The following CHD5 variants were observed in gnomAD, a reference collection of about 807,000 sequenced individuals.
CHD5 encodes the protein chromodomain helicase DNA binding protein 5.
A neutral mutation model predicts 230.3 loss-of-function variants in CHD5; 69 were observed. That is an observed-to-expected ratio of 0.30 (90% CI 0.25 to 0.37). The LOEUF (loss-of-function observed/expected upper bound fraction) is 0.37, where lower values mean the gene tolerates loss of function less well. CHD5 is among the 10% of genes least tolerant of loss of function. The pLI, the probability that CHD5 is intolerant of heterozygous loss-of-function variation, is 1.00. For synonymous variants in CHD5, 1,064 were observed against 1,065.9 expected (o/e 1.00, Z 0.03); for missense variants, 1,827 against 2,622.8 (o/e 0.70, Z 6.63).
rs1002837491 is a variant in CHD5, at chr1:6,150,887, G to C, written c.994+145C>G. ...GGGCCCCACCTGGCTGAGACATGAG[G>C]ATGCCCTCCCCCTGCTTCCCACGGG... is the stretch of plus-strand genomic sequence containing the variant. On this transcript the variant is annotated intron_variant, in intron 7 of 41. Coordinates refer to ENST00000262450, the MANE Select transcript of CHD5 (RefSeq NM_015557.3). 9 of 1,068,808 alleles carry C rather than the reference G, an allele frequency of 8.4e-6. No individual in the cohort carries two copies. The African/African-American group carries it at 1.5e-4, about 17-fold the overall frequency. 66.2% of individuals were successfully genotyped at this position (1,068,808 alleles called of 1,614,324 possible). A position where few individuals can be genotyped will look rare whatever the true frequency, so the allele number is the denominator to read the frequency against.
intron 34 of CHD5, 148 bp downstream of exon 34, chr1:6,112,761 G>A (rs1666313848): frequency 4.9e-6 from 3 of 614,008 alleles, no homozygotes; most frequent in African/African-American, 3.7e-5. Context: ...GTGAGGGGCT[G>A]GTGAATCCAG....
Position 6,134,010 on chromosome 1 carries a change from C to G in CHD5, c.3144+118G>C, listed in dbSNP as rs886567953. On this transcript the variant is annotated intron_variant, in intron 20 of 41. Coordinates refer to ENST00000262450, the MANE Select transcript of CHD5 (RefSeq NM_015557.3). The surrounding 1 kb of genome is among the most constrained non-coding windows in gnomAD (Gnocchi z 6.3). ...ACCCCTGACACACAGTCACATGACCCACATGGGAACGGCACTGGGCCCTGA... is the reference window on the plus strand; with the variant it reads ...ACCCCTGACACACAGTCACATGACCGACATGGGAACGGCACTGGGCCCTGA... 9 of 975,656 alleles carry G rather than the reference C, an allele frequency of 9.2e-6. No individual in the cohort carries two copies. The African/African-American group carries it at 1.3e-4, about 14-fold the overall frequency. The allele number at this position is 975,656 out of a possible 1,614,324, so 60.4% of individuals were successfully genotyped here. A position where few individuals can be genotyped will look rare whatever the true frequency, so the allele number is the denominator to read the frequency against.
chr1:6,172,938 G>A (rs939411916), intron 1 of CHD5, among the ~76,000 whole-genome samples: 1 of 152,072 alleles, frequency 6.6e-6, no homozygotes, highest in African/African-American at 2.4e-5. Context: ...TGACTGTGGA[G>A]CGAAAGTTAG....
rs888758341 is a variant in CHD5, at chr1:6,142,657, T to G, written c.2044-52A>C. 1 of 1,561,688 alleles carries G rather than the reference T, an allele frequency of 6.4e-7. No individual in the cohort carries two copies. Among genetic ancestry groups the G allele is most frequent in the African/African-American group, 1.3e-5 (1 of 74,076 alleles). On this transcript the variant is annotated intron_variant, in intron 13 of 41. Transcript: ENST00000262450. This position sits in a 1 kb window ranked among gnomAD's most constrained non-coding sequence, Gnocchi z 5.2. ...CGCCCCAGATCCTGGGCCACCAGAG[T>G]CCACACTACAGGCCTTTGCACATGC...
chr1:6,113,978 G>A lies in CHD5; in HGVS notation c.4913-980C>T, dbSNP rs890871861. ...AAAAACCACAATCCAGGCCGGGCGC[G>A]GTGGCTCACGCCTGTAATCCTAGCA... On this transcript the variant is annotated intron_variant, in intron 33 of 41. Coordinates refer to ENST00000262450, the MANE Select transcript of CHD5 (RefSeq NM_015557.3). 9.2e-5 allele frequency among the ~76,000 whole-genome samples: 14 copies of A among 152,284 alleles called. No individual in the cohort carries two copies. The East Asian group carries it at 9.7e-4, about 11-fold the overall frequency.
chr1:6,179,559 G>A (rs1667481009), intron 1 of CHD5, among the ~76,000 whole-genome samples: 1 of 151,438 alleles, frequency 6.6e-6, no homozygotes, highest in African/African-American at 2.4e-5. Context: ...CACGGCGGCG[G>A]GACGCGAGCG....
chr1:6,124,867 T>G (rs953152766), intron 29 of CHD5, among the ~76,000 whole-genome samples: 1 of 152,218 alleles, frequency 6.6e-6, no homozygotes, highest in African/African-American at 2.4e-5. Context: ...GACCGGGATC[T>G]TCCTCGCTGC....
rs929848358 is a variant in CHD5, at chr1:6,168,032, A to G, written c.207+118T>C. The stretch of plus-strand genomic sequence containing the variant: ...GGTTATGGTGTTTTTCATCAAACTC[A>G]GCTCTCAGAAACCCTCAAACTCCAA... On this transcript the variant is annotated intron_variant, in intron 2 of 41. Transcript: ENST00000262450. 58 of 1,238,538 alleles carry G rather than the reference A, an allele frequency of 4.7e-5. No homozygotes were observed. In the African/African-American group the frequency reaches 7.7e-4, roughly 16 times the overall value. 76.7% of individuals were successfully genotyped at this position (1,238,538 alleles called of 1,614,324 possible). A position where few individuals can be genotyped will look rare whatever the true frequency, so the allele number is the denominator to read the frequency against.
intron 6 of CHD5, among the ~76,000 whole-genome samples, 185 bp from the exon 7 acceptor site, chr1:6,151,340 C>T (rs1259131526): frequency 1.3e-5 from 2 of 152,174 alleles, no homozygotes; most frequent in Non-Finnish European, 2.9e-5. Flanking sequence ...GCCTGATGTC[C>T]CACCGCCTAC....
intron 1 of CHD5, among the ~76,000 whole-genome samples, chr1:6,168,749 T>A (rs1667291443): frequency 6.6e-6 from 1 of 152,132 alleles, no homozygotes; most frequent in Non-Finnish European, 1.5e-5. Flanking sequence ...CCAGGCACAG[T>A]GGCTCACGCC....
Position 6,149,258 on chromosome 1 carries a change from G to A in CHD5, c.1149C>T (p.Ser383=), listed in dbSNP as rs1188424726. The A allele has an allele frequency of 2.5e-6, 4 of 1,606,734 alleles. No homozygotes were observed. Among genetic ancestry groups the A allele is most frequent in the Non-Finnish European group, 3.4e-6 (4 of 1,176,046 alleles). Residue 383 remains serine, a synonymous_variant, in exon 8 of 42, where the codon AGC becomes AGT. Transcript: ENST00000262450. ...ELEKAPEGKW[S]CPHCEKEGIQ... is the part of the protein sequence containing the mutation. ...TGCCAAGGCTTACACAGTGGGGGCAGCTCCACTTGCCCTCGGGAGCCTTCT... is the reference window on the plus strand; with the variant it reads ...TGCCAAGGCTTACACAGTGGGGGCAACTCCACTTGCCCTCGGGAGCCTTCT...
At chr1:6,168,624 A>G (rs1043821923) in intron 1 of CHD5, among the ~76,000 whole-genome samples, 1 of 152,228 alleles carries the variant, frequency 6.6e-6, no homozygotes, top group African/African-American at 2.4e-5. Context: ...GAGCATCTCT[A>G]CCAGGAAGGA....
chr1:6,170,661 G>A (rs1000147571), intron 1 of CHD5, among the ~76,000 whole-genome samples: 10 of 152,232 alleles, frequency 6.6e-5, no homozygotes, highest in Admixed American at 3.3e-4. Context: ...AGCAAGGGCC[G>A]CCCCAGGTGG....
In CHD5 at chr1:6,110,465, G is replaced by T; in HGVS notation, c.5311C>A (p.Pro1771Thr). The T allele has an allele frequency of 2.5e-6, 4 of 1,614,058 alleles. No individual in the cohort carries two copies. Among genetic ancestry groups the T allele is most frequent in the Non-Finnish European group, 2.5e-6 (3 of 1,180,026 alleles). The change falls in exon 37 of 42, where the codon CCC becomes ACC. Residue 1771 changes from proline to threonine, a missense_variant. Coordinates refer to ENST00000262450, the MANE Select transcript of CHD5 (RefSeq NM_015557.3). ...CCCTTGTGGACCTCAGACTTGAAGG[G>T]CTCGTTGAGGATCATGTACCGTGGG... Reference protein sequence around the residue: ...NDPRYMILNEPFKSEVHKGNY... With the variant: ...NDPRYMILNETFKSEVHKGNY...
chr1:6,165,208 C>T (rs1166125676), intron 2 of CHD5, among the ~76,000 whole-genome samples: 2 of 152,142 alleles, frequency 1.3e-5, no homozygotes, highest in African/African-American at 2.4e-5. Flanking sequence ...GCCCCCAGGC[C>T]TCGCCCCTGT....
rs1485596237 is a variant in CHD5, at chr1:6,136,632, T to C, written c.2581A>G (p.Arg861Gly). ...TCAATCTTGTAGCTGTTTAAGACCC[T>C]AAAAAACTGAGGGGAGGAGAGTGGG... The part of the protein sequence containing the change: ...RLKNNQSKFF[R>G]VLNSYKIDYK... Residue 861 changes from arginine to glycine, a missense_variant, in exon 17 of 42, where the codon AGG (arginine) becomes GGG (glycine). Transcript: ENST00000262450. 6.2e-7 allele frequency: 1 copy of C among 1,613,944 alleles called. No individual in the cohort carries two copies. Among genetic ancestry groups the C allele is most frequent in the Admixed American group, 1.7e-5 (1 of 60,008 alleles).
intron 2 of CHD5, among the ~76,000 whole-genome samples, chr1:6,165,527 C>T (rs768260770): frequency 2.0e-5 from 3 of 152,052 alleles, no homozygotes; most frequent in Admixed American, 6.5e-5. Flanking sequence ...CACGAGGCCT[C>T]GGGGTCCTAA....
In CHD5 at chr1:6,125,712, A is replaced by G. The variant is rs550192680; in HGVS notation, c.4171+54T>C. 3.1e-6 allele frequency: 5 copies of G among 1,588,112 alleles called. No homozygotes were observed. The South Asian group carries it at 4.4e-5, about 14-fold the overall frequency. On this transcript the variant is annotated intron_variant, in intron 27 of 41. Transcript: ENST00000262450. This position sits in a 1 kb window ranked among gnomAD's most constrained non-coding sequence, Gnocchi z 6.7. The stretch of plus-strand genomic sequence containing the variant: ...GACCAGCCCCGCTCCTGCTGCCATC[A>G]GCTCCCCTGACATGGCCTCAGCAGT...
rs150618670 is a variant in CHD5, at chr1:6,137,387, G to A, written c.2437-522C>T. Reference sequence around the variant, plus strand: ...CTCCCATAGTGTTGGGATTACAGGCGTGAGCCACCACGACCAGCCCTGGCT... The same window carrying A: ...CTCCCATAGTGTTGGGATTACAGGCATGAGCCACCACGACCAGCCCTGGCT... On this transcript the variant is annotated intron_variant, in intron 15 of 41. Transcript: ENST00000262450. 6.7e-3 allele frequency among the ~76,000 whole-genome samples: 1,027 copies of A among 152,278 alleles called. 11 individuals carry two copies. Among genetic ancestry groups the A allele is most frequent in the African/African-American group, 0.024 (977 of 41,538 alleles).
Sources: allele counts gnomAD v4.1 joint callset (sites outside exome capture counted in the v4.1 genomes callset), GRCh38; gene constraint gnomAD v4.1.1; non-coding constraint Gnocchi (gnomAD v3.1); transcripts MANE v1.5; gene names NCBI Gene and HGNC (gene_info 2026-07-23, HGNC 2026-07-21).